Variants in CLEC2A observed in about 807,000 individuals in gnomAD.
CLEC2A encodes the protein keratinocyte-associated C-type lectin.
Under a neutral mutation model 18.6 loss-of-function variants are expected in CLEC2A, and 19 were observed. The observed-to-expected ratio is 1.02, with a 90% CI of 0.71 to 1.50. The LOEUF is 1.50. Among genes scored for constraint, CLEC2A ranks in the 40% most tolerant of loss-of-function variants. The pLI is 0.00. For synonymous variants in CLEC2A, 74 were observed against 64.0 expected (o/e 1.16, Z -0.75); for missense variants, 190 against 207.9 (o/e 0.91, Z 0.53).
intron 1 of CLEC2A, among the ~76,000 whole-genome samples, chr12:9,931,080 C>A (rs950512463): frequency 6.6e-6 from 1 of 152,060 alleles, no homozygotes; most frequent in Non-Finnish European, 1.5e-5. Flanking sequence ...ATGATTCCTG[C>A]AGCCCGGCTT....
At chr12:9,927,043 G>T (rs1215718534) in intron 1 of CLEC2A, among the ~76,000 whole-genome samples, 3 of 151,922 alleles carry the variant, frequency 2.0e-5, no homozygotes, top group Non-Finnish European at 4.4e-5. Context: ...GTGTGTCTGT[G>T]TGTGTGTGTG....
In CLEC2A at chr12:9,922,071, C is replaced by T. The variant is rs552660232; in HGVS notation, c.301G>A (p.Asp101Asn). ...AGACTTTTCTGTTTTCTTACCATGT[C>T]TTCTTGTGTATCAATCTGAGCAAGT... ...AELAQIDTQE[D>N]MEFLKRYAGT... Residue 101 changes from aspartate (D) to asparagine (N), a missense_variant, in exon 3 of 5, where the codon GAC becomes AAC. Coordinates refer to ENST00000455827, the MANE Select transcript of CLEC2A (RefSeq NM_001130711.2). The T allele has an allele frequency of 1.7e-5, 26 of 1,539,326 alleles. No homozygotes were observed. The African/African-American group carries it at 3.2e-4, about 19-fold the overall frequency.
intron 4 of CLEC2A, among the ~76,000 whole-genome samples, chr12:9,904,227 G>A (rs1862874776): frequency 6.6e-6 from 1 of 152,188 alleles, no homozygotes; most frequent in Non-Finnish European, 1.5e-5. Context: ...ACAGGGTGCT[G>A]GACTTTGGGG....
At chr12:9,885,831 C>G in the CLEC2A span, among the ~76,000 whole-genome samples, 1 of 152,050 alleles carries the variant, frequency 6.6e-6, no homozygotes, top group Non-Finnish European at 1.5e-5. Context: ...ACTTATTTAA[C>G]ATTCAATGTT....
chr12:9,907,983 C>G (rs1862928789), intron 4 of CLEC2A, among the ~76,000 whole-genome samples: 1 of 152,152 alleles, frequency 6.6e-6, no homozygotes, highest in Admixed American at 6.5e-5. Flanking sequence ...GTTGACAGCT[C>G]TGAGGTCTTG....
the CLEC2A span, among the ~76,000 whole-genome samples, chr12:9,884,041 A>G: frequency 2.0e-5 from 3 of 152,170 alleles, no homozygotes; most frequent in Admixed American, 1.3e-4. Context: ...ACTGACTAAA[A>G]TGATTGTAGA....
downstream of CLEC2A, among the ~76,000 whole-genome samples, chr12:9,897,082 A>T (rs1862764971): frequency 6.6e-6 from 1 of 151,652 alleles, no homozygotes; most frequent in African/African-American, 2.4e-5. Context: ...CTGGTCTCGA[A>T]CTCCTGACCT....
chr12:9,894,153 T>TCTCTCTCC (rs536569918), downstream of CLEC2A, among the ~76,000 whole-genome samples: 1 of 143,980 alleles, frequency 6.9e-6, no homozygotes, highest in African/African-American at 2.6e-5. Context: ...TCTCTCTCTC[T>TCTCTCTCC]CCCTCCCTTC....
intron 1 of CLEC2A, among the ~76,000 whole-genome samples, chr12:9,931,650 G>T (rs1254309086): frequency 1.3e-5 from 2 of 152,190 alleles, no homozygotes; most frequent in African/African-American, 2.4e-5. Context: ...TTCAGCTGGA[G>T]TCCTTAACTC....
chr12:9,918,088 A>C (rs987189864), intron 3 of CLEC2A, among the ~76,000 whole-genome samples: 1 of 150,282 alleles, frequency 6.7e-6, no homozygotes. Context: ...CTGTGCAGAA[A>C]CTCTTAAGTT....
intron 4 of CLEC2A, among the ~76,000 whole-genome samples, chr12:9,905,741 A>T (rs1565527909): frequency 6.6e-6 from 1 of 152,136 alleles, no homozygotes; most frequent in South Asian, 2.1e-4. Flanking sequence ...CTTTTTCAAA[A>T]CATGTACAGT....
the CLEC2A span, among the ~76,000 whole-genome samples, chr12:9,883,243 A>T: frequency 6.6e-6 from 1 of 152,296 alleles, no homozygotes; most frequent in South Asian, 2.1e-4. Flanking sequence ...TTGATCCTAA[A>T]TCAGAAAAAA....
At chr12:9,883,356 T>C in the CLEC2A span, among the ~76,000 whole-genome samples, 532 of 152,344 alleles carry the variant, frequency 3.5e-3, 4 homozygotes, top group African/African-American at 0.012. Context: ...TATAGCCCTG[T>C]GTAAGCCAAT....
chr12:9,897,005 A>G (rs1236543103), downstream of CLEC2A, among the ~76,000 whole-genome samples: 5 of 151,842 alleles, frequency 3.3e-5, no homozygotes, highest in Non-Finnish European at 2.9e-5. Flanking sequence ...GATTACAGGC[A>G]TGCACCACCA....
the CLEC2A span, among the ~76,000 whole-genome samples, chr12:9,879,951 A>G: frequency 1.3e-5 from 2 of 152,228 alleles, no homozygotes; most frequent in East Asian, 1.9e-4. Context: ...TTCCTTTGCT[A>G]TCTCCACCTC....
the CLEC2A span, among the ~76,000 whole-genome samples, chr12:9,892,610 G>C: frequency 8.1e-6 from 1 of 123,462 alleles, no homozygotes; most frequent in Non-Finnish European, 1.6e-5. Flanking sequence ...TTGAGACAGA[G>C]TTTCGCTCTT....
downstream of CLEC2A, chr12:9,895,953 G>T: frequency 1.1e-6 from 1 of 940,656 alleles, no homozygotes; most frequent in Non-Finnish European, 1.5e-6. Context: ...ATCTAAATAG[G>T]AGAAAAGTAT....
downstream of CLEC2A, among the ~76,000 whole-genome samples, chr12:9,895,056 T>C (rs566181985): frequency 2.2e-4 from 34 of 152,318 alleles, no homozygotes; most frequent in African/African-American, 7.7e-4. Flanking sequence ...AGGCATTCCA[T>C]TTATACATTG....
At chr12:9,928,511 A>G (rs1863316648) in intron 1 of CLEC2A, among the ~76,000 whole-genome samples, 1 of 152,106 alleles carries the variant, frequency 6.6e-6, no homozygotes, top group African/African-American at 2.4e-5. Context: ...AAAGAAAGAA[A>G]GAAACCTCTG....
Sources: gnomAD v4.1 joint callset for allele counts (sites outside exome capture counted in the v4.1 genomes callset) on GRCh38, gnomAD v4.1.1 for gene constraint, MANE v1.5 for transcripts, NCBI Gene and HGNC (gene_info 2026-07-23, HGNC 2026-07-21) for gene names.